The following NRXN1 variants were observed in gnomAD, a reference collection of about 807,000 sequenced individuals.
The protein encoded by NRXN1 is neurexin 1, also known as neurexin-1.
NRXN1 carries 39 observed loss-of-function variants against 150.9 expected under a neutral mutation model. The observed-to-expected ratio is 0.26, with a 90% CI of 0.20 to 0.34. The LOEUF (loss-of-function observed/expected upper bound fraction) is 0.34. NRXN1 is among the 10% of genes least tolerant of loss of function. The probability of loss-of-function intolerance (pLI) is 1.00; values close to 1 mark genes in which losing one functional copy is unlikely to be tolerated. For missense variants in NRXN1, 1,815 were observed against 1,949.9 expected (o/e 0.93, Z 1.30); for synonymous variants, 924 against 757.0 (o/e 1.22, Z -3.62).
chr2:50,377,301 T>C (rs1162731372), intron 17 of NRXN1, among the ~76,000 whole-genome samples: 2 of 152,100 alleles, frequency 1.3e-5, no homozygotes, highest in African/African-American at 4.8e-5. Context: ...CCTGTGGCCA[T>C]GTGTTCTCAT....
At chr2:50,216,351 T>G (rs548430597) in intron 18 of NRXN1, among the ~76,000 whole-genome samples, 1 of 152,194 alleles carries the variant, frequency 6.6e-6, no homozygotes, top group South Asian at 2.1e-4. Flanking sequence ...AATGCTCTAC[T>G]TTGAAAGAGC....
intron 21 of NRXN1, among the ~76,000 whole-genome samples, chr2:49,963,104 C>T (rs1676289998): frequency 6.6e-6 from 1 of 152,170 alleles, no homozygotes; most frequent in African/African-American, 2.4e-5. Flanking sequence ...GCCCAGTTAG[C>T]TACCCCTACA....
At chr2:50,439,063 C>T (rs1206535663) in intron 17 of NRXN1, among the ~76,000 whole-genome samples, 1 of 152,162 alleles carries the variant, frequency 6.6e-6, no homozygotes, top group African/African-American at 2.4e-5. Flanking sequence ...GTTCTAATGG[C>T]TAGCTTTAAA....
At chr2:50,440,305 A>C (rs1377707345) in intron 17 of NRXN1, among the ~76,000 whole-genome samples, 1 of 152,116 alleles carries the variant, frequency 6.6e-6, no homozygotes, top group African/African-American at 2.4e-5. Context: ...TTAGAGCTGG[A>C]CTTAAGTTTG....
At chr2:50,880,820 A>T (rs185717725) in intron 5 of NRXN1, among the ~76,000 whole-genome samples, 5 of 152,100 alleles carry the variant, frequency 3.3e-5, no homozygotes, top group Non-Finnish European at 7.4e-5. Context: ...AGGATAATTC[A>T]CAACAAACAT....
chr2:50,382,299 A>T lies in NRXN1; in HGVS notation c.3364+83143T>A, dbSNP rs142902541. Among the ~76,000 whole-genome samples the T allele has an allele frequency of 2.7e-3, 412 of 152,278 alleles. 5 individuals are homozygous for T. The highest frequency in any genetic ancestry group is 9.3e-3 in the African/African-American group (388 of 41,566). The stretch of plus-strand genomic sequence containing the variant: ...ATTGATTTATCTTTAAATGCTTATC[A>T]TGATTTTAATTTGGAAATAAGAATA... On this transcript the variant is annotated intron_variant, in intron 17 of 22. Transcript: ENST00000401669.
At chr2:50,115,963 T>C (rs1703004898) in intron 18 of NRXN1, among the ~76,000 whole-genome samples, 1 of 152,160 alleles carries the variant, frequency 6.6e-6, no homozygotes, top group African/African-American at 2.4e-5. Flanking sequence ...ATTTGCTATC[T>C]TTTTAATACT....
intron 18 of NRXN1, among the ~76,000 whole-genome samples, chr2:50,207,062 A>C (rs922615731): frequency 6.6e-6 from 1 of 152,062 alleles, no homozygotes; most frequent in Non-Finnish European, 1.5e-5. Flanking sequence ...TACATAGAAG[A>C]AATTCATAAA....
At position 50,264,499 on chromosome 2, in the gene NRXN1, G is replaced by A. The variant is rs143773039; in HGVS notation, c.3365-27529C>T. 1.3e-3 allele frequency among the ~76,000 whole-genome samples: 195 copies of A among 152,130 alleles called. 1 individual carries two copies. Among genetic ancestry groups the A allele is most frequent in the Non-Finnish European group, 2.3e-3 (159 of 67,982 alleles). The stretch of plus-strand genomic sequence containing the variant: ...GTAGAGAAACAAGGAGGAAATGTCA[G>A]ACATTCTCATCAGCAGAAAGAGGCA... On this transcript the variant is annotated intron_variant, in intron 17 of 22. Coordinates refer to ENST00000401669, the MANE Select transcript of NRXN1 (RefSeq NM_001330078.2).
intron 18 of NRXN1, among the ~76,000 whole-genome samples, chr2:50,150,026 T>G (rs1391554465): frequency 6.6e-6 from 1 of 151,696 alleles, no homozygotes; most frequent in Non-Finnish European, 1.5e-5. Context: ...ACTTGCACTC[T>G]TTATATTTCT....
At chr2:50,825,869 A>T (rs1401475077) in intron 5 of NRXN1, among the ~76,000 whole-genome samples, 1 of 152,214 alleles carries the variant, frequency 6.6e-6, no homozygotes, top group African/African-American at 2.4e-5. Context: ...GACTTAAATT[A>T]GAGAACACTT....
chr2:50,383,783 A>AT (rs2081133603), intron 17 of NRXN1, among the ~76,000 whole-genome samples: 1 of 151,998 alleles, frequency 6.6e-6, no homozygotes, highest in African/African-American at 2.4e-5. Context: ...TCCCTTACAG[A>AT]TTTTTTTTCA....
At chr2:50,040,249 G>C (rs776025157) in intron 21 of NRXN1, among the ~76,000 whole-genome samples, 19 of 152,010 alleles carry the variant, frequency 1.2e-4, no homozygotes, top group Non-Finnish European at 2.5e-4. Flanking sequence ...ATACTTAAGA[G>C]ATAAGAGATA....
chr2:50,433,211 C>A (rs1264583644), intron 17 of NRXN1, among the ~76,000 whole-genome samples: 1 of 152,214 alleles, frequency 6.6e-6, no homozygotes, highest in Non-Finnish European at 1.5e-5. Context: ...AATCCCACTG[C>A]AGTCTTATTT....
chr2:49,985,636 C>G (rs1680775590), intron 21 of NRXN1, among the ~76,000 whole-genome samples: 1 of 152,192 alleles, frequency 6.6e-6, no homozygotes, highest in Non-Finnish European at 1.5e-5. Flanking sequence ...CTTTGAGATT[C>G]TCTACTTCCA....
intron 21 of NRXN1, among the ~76,000 whole-genome samples, chr2:50,020,226 T>C (rs1687363437): frequency 6.6e-6 from 1 of 152,164 alleles, no homozygotes; most frequent in Non-Finnish European, 1.5e-5. Context: ...AATGATTGTG[T>C]ATCATCTCCT....
chr2:49,929,942 A>G (rs375735254), intron 22 of NRXN1, among the ~76,000 whole-genome samples: 20 of 152,300 alleles, frequency 1.3e-4, no homozygotes, highest in African/African-American at 4.8e-4. Flanking sequence ...ATGAAGGAAA[A>G]CTGTAGGTAC....
Position 50,359,713 on chromosome 2 carries a change from A to G in NRXN1, c.3364+105729T>C, listed in dbSNP as rs551389328. Among the ~76,000 whole-genome samples, 9 of 152,184 alleles carry G rather than the reference A, an allele frequency of 5.9e-5. No individual in the cohort carries two copies. In the East Asian group the frequency reaches 1.4e-3, roughly 23 times the overall value. ...GATATTATCCAGGAGAACTTGCCCAACCCGCAAGACAGGCCCACATTCAGA... is the reference window on the plus strand; with the variant it reads ...GATATTATCCAGGAGAACTTGCCCAGCCCGCAAGACAGGCCCACATTCAGA... On this transcript the variant is annotated intron_variant, in intron 17 of 22. Coordinates refer to ENST00000401669, the MANE Select transcript of NRXN1 (RefSeq NM_001330078.2).
intron 21 of NRXN1, among the ~76,000 whole-genome samples, chr2:49,957,392 T>A (rs1315278052): frequency 1.3e-5 from 2 of 152,154 alleles, no homozygotes; most frequent in Non-Finnish European, 2.9e-5. Context: ...TCAAAATGAA[T>A]GGCTCTTGTA....
Sources: gnomAD v4.1 joint callset for allele counts (sites outside exome capture counted in the v4.1 genomes callset) on GRCh38, gnomAD v4.1.1 for gene constraint, MANE v1.5 for transcripts, NCBI Gene and HGNC (gene_info 2026-07-23, HGNC 2026-07-21) for gene names.